CLDN14: variants seen among roughly 807,000 people sequenced by gnomAD.
CLDN14 encodes claudin 14.
In CLDN14, 2 loss-of-function variants were observed where a neutral mutation model predicts 2.1. That is an observed-to-expected ratio of 0.96 (90% CI 0.39 to 3.01). The LOEUF (loss-of-function observed/expected upper bound fraction) is 3.01, where lower values mean the gene tolerates loss of function less well. CLDN14 is among the 30% of genes most tolerant of loss of function. The probability of loss-of-function intolerance (pLI) is 0.09; values close to 1 mark genes in which losing one functional copy is unlikely to be tolerated. For synonymous variants in CLDN14, 136 were observed against 154.4 expected, an observed-to-expected ratio of 0.88 and a Z score of 0.88; for missense variants, 298 against 328.0, an observed-to-expected ratio of 0.91 and a Z score of 0.71.
chr21:36,534,869 T>C (rs1039826933), intron 1 of CLDN14, among the ~76,000 whole-genome samples: 3 of 152,100 alleles, frequency 2.0e-5, no homozygotes, highest in Admixed American at 6.5e-5. Flanking sequence ...TTCCCAGCCA[T>C]ACCAAGAGGA....
At chr21:36,475,080 C>T (rs1393337081) in intron 1 of CLDN14, among the ~76,000 whole-genome samples, 2 of 152,122 alleles carry the variant, frequency 1.3e-5, no homozygotes, top group Non-Finnish European at 2.9e-5. Flanking sequence ...AAGTGCTAGT[C>T]AGTGCCGGGT....
intron 2 of CLDN14, among the ~76,000 whole-genome samples, chr21:36,488,941 C>T (rs2086929054): frequency 6.6e-6 from 1 of 151,226 alleles, no homozygotes; most frequent in African/African-American, 2.4e-5. Context: ...CTAGCCTGGC[C>T]AACACGGTGA....
At chr21:36,461,797 G>A (rs1012378527) in intron 1 of CLDN14, 21 bp from the exon 2 acceptor site, 42 of 1,455,492 alleles carry the variant, frequency 2.9e-5, no homozygotes, top group African/African-American at 5.6e-5. Flanking sequence ...CAAGGGAGGC[G>A]GGAGCAGGGA....
At chr21:36,504,231 T>C (rs1252635122) in intron 2 of CLDN14, among the ~76,000 whole-genome samples, 1 of 151,806 alleles carries the variant, frequency 6.6e-6, no homozygotes, top group Non-Finnish European at 1.5e-5. Context: ...TCCCAGCTAC[T>C]TGTGAGGCTG....
chr21:36,547,567 C>CA (rs2087534100), intron 1 of CLDN14, among the ~76,000 whole-genome samples: 1 of 152,178 alleles, frequency 6.6e-6, no homozygotes, highest in Non-Finnish European at 1.5e-5. Context: ...GGAGAGGCGG[C>CA]CGCTGCTCCC....
chr21:36,530,455 C>G (rs996927591), intron 1 of CLDN14, among the ~76,000 whole-genome samples: 10 of 152,246 alleles, frequency 6.6e-5, no homozygotes, highest in Non-Finnish European at 1.5e-4. Flanking sequence ...GGCAGGTCAA[C>G]CAGCTTTTAC....
chr21:36,477,992 C>G (rs1026877174), intron 1 of CLDN14, among the ~76,000 whole-genome samples: 5 of 152,218 alleles, frequency 3.3e-5, no homozygotes, highest in African/African-American at 9.7e-5. Context: ...CACATTGGCA[C>G]TAGCCTTGAA....
chr21:36,569,270 G>T (rs2087692586), intron 1 of CLDN14, among the ~76,000 whole-genome samples: 1 of 152,080 alleles, frequency 6.6e-6, no homozygotes, highest in African/African-American at 2.4e-5. Context: ...ACAAAAATTA[G>T]CCAGGCATGG....
chr21:36,554,230 C>G (rs998234496), intron 1 of CLDN14, among the ~76,000 whole-genome samples: 1 of 152,206 alleles, frequency 6.6e-6, no homozygotes, highest in Non-Finnish European at 1.5e-5. Flanking sequence ...CCAACCCCCC[C>G]AGGCCCTGGG....
At chr21:36,547,566 G>A in intron 1 of CLDN14, among the ~76,000 whole-genome samples, 1 of 152,188 alleles carries the variant, frequency 6.6e-6, no homozygotes, top group Non-Finnish European at 1.5e-5. Flanking sequence ...TGGAGAGGCG[G>A]CCGCTGCTCC....
At chr21:36,534,681 G>T (rs1157239589) in intron 1 of CLDN14, among the ~76,000 whole-genome samples, 1 of 152,140 alleles carries the variant, frequency 6.6e-6, no homozygotes, top group African/African-American at 2.4e-5. Context: ...TACTCCAGGG[G>T]CAAGCAGCCT....
At chr21:36,526,920 A>T (rs1249893005) in intron 1 of CLDN14, among the ~76,000 whole-genome samples, 1 of 152,196 alleles carries the variant, frequency 6.6e-6, no homozygotes, top group Non-Finnish European at 1.5e-5. Context: ...CGAGACGGGG[A>T]TGTTGAATGG....
At chr21:36,493,261 G>T (rs2086986519) in intron 2 of CLDN14, among the ~76,000 whole-genome samples, 1 of 152,148 alleles carries the variant, frequency 6.6e-6, no homozygotes, top group South Asian at 2.1e-4. Context: ...CACAGTTGGG[G>T]GTGTCACCAC....
intron 1 of CLDN14, among the ~76,000 whole-genome samples, chr21:36,536,849 G>A (rs527837249): frequency 6.6e-6 from 1 of 152,242 alleles, no homozygotes; most frequent in East Asian, 1.9e-4. Flanking sequence ...TTGCCTATTG[G>A]CAGAGACACA....
chr21:36,505,536 A>G (rs982155166), intron 2 of CLDN14, among the ~76,000 whole-genome samples: 2 of 152,160 alleles, frequency 1.3e-5, no homozygotes, highest in Non-Finnish European at 2.9e-5. Context: ...TAAGAACAGA[A>G]CACCTCGGGG....
At chr21:36,463,364 C>T (rs777061848) in intron 1 of CLDN14, among the ~76,000 whole-genome samples, 1 of 152,340 alleles carries the variant, frequency 6.6e-6, no homozygotes, top group Middle Eastern at 3.4e-3. Context: ...GTGCAGGCTG[C>T]AGGCAGGAAA....
At chr21:36,523,141 G>T (rs1010364877) in intron 1 of CLDN14, among the ~76,000 whole-genome samples, 3 of 152,182 alleles carry the variant, frequency 2.0e-5, no homozygotes, top group Non-Finnish European at 4.4e-5. Context: ...GCGCCCAGGA[G>T]TCCCAGACTT....
intron 1 of CLDN14, among the ~76,000 whole-genome samples, chr21:36,558,762 G>GTT (rs35231431): frequency 1.2e-3 from 174 of 147,998 alleles, no homozygotes; most frequent in Admixed American, 3.7e-3. Context: ...ACAAGGTGGG[G>GTT]TTTTTTTTTT....
At chr21:36,563,298 A>AATCCT (rs1159304207) in intron 1 of CLDN14, among the ~76,000 whole-genome samples, 1 of 152,160 alleles carries the variant, frequency 6.6e-6, no homozygotes, top group Non-Finnish European at 1.5e-5. Flanking sequence ...TGGGGTTTTA[A>AATCCT]ATCCTAAATC....
Sources: allele counts gnomAD v4.1 joint callset (sites outside exome capture counted in the v4.1 genomes callset), GRCh38; gene constraint gnomAD v4.1.1; transcripts MANE v1.5; gene names NCBI Gene and HGNC (gene_info 2026-07-23, HGNC 2026-07-21).